Variants in PRMT9 observed in about 807,000 individuals in gnomAD.
PRMT9 encodes protein arginine N-methyltransferase 9.
A neutral mutation model predicts 83.2 loss-of-function variants in PRMT9; 59 were observed. The observed-to-expected ratio is 0.71, with a 90% confidence interval of 0.57 to 0.88. The LOEUF is 0.88. PRMT9 is among the 40% of genes least tolerant of loss of function. The pLI is 0.00. For missense variants in PRMT9, 947 were observed against 1,021.9 expected, an observed-to-expected ratio of 0.93 and a Z score of 1.00; for synonymous variants, 333 against 353.2, an observed-to-expected ratio of 0.94 and a Z score of 0.64.
At chr4:147,675,262 G>T (rs750387033) in intron 2 of PRMT9, among the ~76,000 whole-genome samples, 1 of 152,138 alleles carries the variant, frequency 6.6e-6, no homozygotes, top group Non-Finnish European at 1.5e-5. Context: ...TTACAGGCGT[G>T]AGCCACCGTG....
rs965998439 is a variant in PRMT9, at chr4:147,663,227, C to G, written c.954-2189G>C. Among the ~76,000 whole-genome samples the G allele has an allele frequency of 4.6e-5, 7 of 151,962 alleles. No homozygotes were observed. The East Asian group carries it at 1.4e-3, about 29-fold the overall frequency. On this transcript the variant is annotated intron_variant, in intron 6 of 11. Coordinates refer to ENST00000322396, the MANE Select transcript of PRMT9 (RefSeq NM_138364.4). ...GTTTCACCATGTTAGCCAGGATGGTCTCGATCTCCTGGCCTCATGATCCGC... is the reference window on the plus strand; with the variant it reads ...GTTTCACCATGTTAGCCAGGATGGTGTCGATCTCCTGGCCTCATGATCCGC...
rs145779301 is a variant in PRMT9 at position 147,680,628 on chromosome 4, G to T, written c.190-157C>A. Reference sequence around the variant, plus strand: ...TTAGTAGGCACTGTTTTCTGAACAAGTGCACAAATGAATGAATTTTACCAC... The same window carrying T: ...TTAGTAGGCACTGTTTTCTGAACAATTGCACAAATGAATGAATTTTACCAC... On this transcript the variant is annotated intron_variant, in intron 1 of 11. Coordinates refer to ENST00000322396, the MANE Select transcript of PRMT9 (RefSeq NM_138364.4). Among the ~76,000 whole-genome samples the T allele has an allele frequency of 2.0e-5, 3 of 152,288 alleles. No homozygotes were observed. In the East Asian group the frequency reaches 5.8e-4, roughly 29 times the overall value.
At chr4:147,650,869 A>G (rs553669059) in intron 9 of PRMT9, among the ~76,000 whole-genome samples, 20 of 152,286 alleles carry the variant, frequency 1.3e-4, no homozygotes, top group East Asian at 7.7e-4. Flanking sequence ...TTGGGAGGCC[A>G]AGGCGGGCAG....
chr4:147,640,836 C>T (rs957559621), intron 10 of PRMT9, among the ~76,000 whole-genome samples: 4 of 152,258 alleles, frequency 2.6e-5, no homozygotes, highest in East Asian at 1.9e-4. Flanking sequence ...GTCCTCCCAC[C>T]GCAGCCTCCC....
In PRMT9 at chr4:147,668,534, C is replaced by T. The variant is rs552789966; in HGVS notation, c.953+5G>A. On this transcript the variant is annotated splice_donor_5th_base_variant and intron_variant, in intron 6 of 11. Transcript: ENST00000322396. ...AGCAGTGTGAAAATGGACTAATACA[C>T]TTACCTATGATGTCTTCTTATCTCT... The T allele has an allele frequency of 1.1e-5, 17 of 1,527,124 alleles. No homozygotes were observed. The highest frequency in any genetic ancestry group is 1.4e-5 in the Non-Finnish European group (15 of 1,103,426). The allele number at this position is 1,527,124 out of a possible 1,614,324, so 94.6% of individuals were successfully genotyped here. A position where few individuals can be genotyped will look rare whatever the true frequency, so the allele number is the denominator to read the frequency against.
intron 6 of PRMT9, among the ~76,000 whole-genome samples, chr4:147,661,789 CAAAAAAAAA>C (rs70958573): frequency 1.7e-5 from 1 of 60,224 alleles, no homozygotes; most frequent in Non-Finnish European, 2.7e-5. Flanking sequence ...GACTCCATCT[CAAAAAAAAA>C]AAAAAAAAAA....
chr4:147,673,934 C>T (rs547386630), intron 2 of PRMT9, 60 bp from the exon 3 acceptor site: 16 of 1,331,580 alleles, frequency 1.2e-5, no homozygotes, highest in South Asian at 1.1e-4. Flanking sequence ...AACTGCAGTA[C>T]CTTTGTTTAT....
At chr4:147,668,491 T>A in intron 6 of PRMT9, 48 bp downstream of exon 6, 1 of 1,103,240 alleles carries the variant, frequency 9.1e-7, no homozygotes, top group South Asian at 1.2e-5. Context: ...AATTACCCAA[T>A]CTTGGGAGGT....
At chr4:147,679,005 G>A (rs1298460049) in intron 2 of PRMT9, among the ~76,000 whole-genome samples, 2 of 152,216 alleles carry the variant, frequency 1.3e-5, no homozygotes, top group African/African-American at 2.4e-5. Context: ...ATCTGGGAGT[G>A]GTTCCAAGAC....
intron 6 of PRMT9, 159 bp from the exon 7 acceptor site, chr4:147,661,197 C>A: frequency 3.3e-6 from 2 of 599,582 alleles, no homozygotes; most frequent in Non-Finnish European, 5.9e-6. Context: ...ACATATAAAA[C>A]CACTAACTAT....
At chr4:147,642,719 G>T in intron 10 of PRMT9, 68 bp downstream of exon 10, 1 of 1,332,784 alleles carries the variant, frequency 7.5e-7, no homozygotes, top group Non-Finnish European at 1.1e-6. Context: ...ATTAAACAGT[G>T]ACTAAAGAGA....
At chr4:147,676,423 TAAA>T (rs935425404) in intron 2 of PRMT9, among the ~76,000 whole-genome samples, 21 of 152,150 alleles carry the variant, frequency 1.4e-4, no homozygotes, top group African/African-American at 5.1e-4. Context: ...AGATTATTCA[TAAA>T]AAAAGATTTT....
At chr4:147,649,029 C>G (rs1040643873) in intron 9 of PRMT9, among the ~76,000 whole-genome samples, 1 of 152,108 alleles carries the variant, frequency 6.6e-6, no homozygotes, top group Admixed American at 6.6e-5. Context: ...TACTTCAGAA[C>G]CATCCATGCC....
chr4:147,659,929 CACT>C (rs1369258166), intron 7 of PRMT9, among the ~76,000 whole-genome samples: 1 of 152,240 alleles, frequency 6.6e-6, no homozygotes, highest in East Asian at 1.9e-4. Flanking sequence ...CTAACACACA[CACT>C]AGAGTGATAA....
intron 6 of PRMT9, among the ~76,000 whole-genome samples, chr4:147,662,137 T>TCAATAATATAA (rs1578911076): frequency 6.6e-6 from 1 of 152,106 alleles, no homozygotes; most frequent in East Asian, 1.9e-4. Flanking sequence ...TAAACATCTA[T>TCAATAATATAA]CAGTAATATA....
At chr4:147,683,713 C>A (rs1010808774) in intron 1 of PRMT9, 86 bp downstream of exon 1, 1 of 1,350,816 alleles carries the variant, frequency 7.4e-7, no homozygotes, top group Non-Finnish European at 1.0e-6. Context: ...GCACCCTAGC[C>A]CCTCCGCTTT....
chr4:147,669,872 G>C (rs897994246), intron 5 of PRMT9, among the ~76,000 whole-genome samples: 1 of 152,054 alleles, frequency 6.6e-6, no homozygotes, highest in African/African-American at 2.4e-5. Flanking sequence ...AATATAATTT[G>C]GCAATTATAA....
At chr4:147,676,904 C>T (rs1736123244) in intron 2 of PRMT9, among the ~76,000 whole-genome samples, 1 of 151,774 alleles carries the variant, frequency 6.6e-6, no homozygotes, top group African/African-American at 2.4e-5. Context: ...ATTAGCCGGG[C>T]GTGGTGGCAT....
chr4:147,640,964 T>G (rs971829989), intron 10 of PRMT9, among the ~76,000 whole-genome samples: 3 of 152,116 alleles, frequency 2.0e-5, no homozygotes. Flanking sequence ...CCTCCCACTT[T>G]GGCCTCCCAA....
Sources: gnomAD v4.1 joint callset for allele counts (sites outside exome capture counted in the v4.1 genomes callset) on GRCh38, gnomAD v4.1.1 for gene constraint, MANE v1.5 for transcripts, NCBI Gene and HGNC (gene_info 2026-07-23, HGNC 2026-07-21) for gene names.